The following CFAP77 variants were observed in gnomAD, a reference collection of about 807,000 sequenced individuals.
The protein encoded by CFAP77 is cilia and flagella associated protein 77.
Under a neutral mutation model 31.1 loss-of-function variants are expected in CFAP77, and 25 were observed. That is an observed-to-expected ratio of 0.80 (90% CI 0.59 to 1.12). CFAP77 has a LOEUF of 1.12. Ranked by LOEUF, CFAP77 falls within the 50% of genes most tolerant of loss-of-function variation. The probability of loss-of-function intolerance (pLI) is 0.00; values close to 1 mark genes in which losing one functional copy is unlikely to be tolerated. For missense variants in CFAP77, 377 were observed against 397.3 expected, an observed-to-expected ratio of 0.95 and a Z score of 0.44; for synonymous variants, 151 against 159.9, an observed-to-expected ratio of 0.94 and a Z score of 0.42.
At chr9:132,412,946 T>G (rs973389234) in intron 1 of CFAP77, among the ~76,000 whole-genome samples, 2 of 152,170 alleles carry the variant, frequency 1.3e-5, no homozygotes, top group Non-Finnish European at 2.9e-5. Flanking sequence ...GTGTGTGCCT[T>G]TCCGCTATGT....
At chr9:132,489,871 C>T (rs963684152) in intron 1 of CFAP77, among the ~76,000 whole-genome samples, 3 of 152,136 alleles carry the variant, frequency 2.0e-5, no homozygotes, top group African/African-American at 2.4e-5. Flanking sequence ...GACCGAGTCT[C>T]GTCAGTTTCA....
intron 3 of CFAP77, among the ~76,000 whole-genome samples, chr9:132,533,629 C>T (rs1157997178): frequency 6.6e-6 from 1 of 152,202 alleles, no homozygotes; most frequent in Non-Finnish European, 1.5e-5. Flanking sequence ...CGCTTGTAAT[C>T]CCAGCACTTT....
intron 1 of CFAP77, among the ~76,000 whole-genome samples, chr9:132,440,825 T>C (rs932823929): frequency 1.3e-5 from 2 of 152,168 alleles, no homozygotes; most frequent in African/African-American, 4.8e-5. Flanking sequence ...ACAATGGATC[T>C]GAACCTGGGT....
chr9:132,552,935 C>T lies in CFAP77; in HGVS notation c.732+9888C>T, dbSNP rs547743864. 1.3e-5 allele frequency among the ~76,000 whole-genome samples: 2 copies of T among 152,182 alleles called. No individual in the cohort carries two copies. Among genetic ancestry groups the T allele is most frequent in the Non-Finnish European group, 2.9e-5 (2 of 68,026 alleles). ...AAGGGAAATGTGCAGTTGGAGACCG[C>T]CTCTGTCTGTTAAACAGCCCTAAGG... On this transcript the variant is annotated intron_variant, in intron 5 of 5. Transcript: ENST00000393216. This position sits in a 1 kb window ranked among gnomAD's most constrained non-coding sequence, Gnocchi z 5.5.
In CFAP77 at chr9:132,530,807, G is replaced by A. The variant is rs543526004; in HGVS notation, c.525-6794G>A. Among the ~76,000 whole-genome samples the A allele has an allele frequency of 2.0e-5, 3 of 152,150 alleles. No homozygotes were observed. In the South Asian group the frequency reaches 6.2e-4, roughly 32 times the overall value. On this transcript the variant is annotated intron_variant, in intron 3 of 5. Coordinates refer to ENST00000393216, the MANE Select transcript of CFAP77 (RefSeq NM_001282957.2). ...ATTTATCAGTTTTTTTCTTTCATGGGTTATATTTTTGGTGTTGAGTCTAAG... is the reference window on the plus strand; with the variant it reads ...ATTTATCAGTTTTTTTCTTTCATGGATTATATTTTTGGTGTTGAGTCTAAG...
At position 132,501,978 on chromosome 9, in the gene CFAP77, A is replaced by G. The variant is rs920103272; in HGVS notation, c.524+2378A>G. Among the ~76,000 whole-genome samples the G allele has an allele frequency of 2.0e-5, 3 of 152,186 alleles. No individual in the cohort carries two copies. The highest frequency in any genetic ancestry group is 4.8e-5 in the African/African-American group (2 of 41,440). ...TTCCCAGCCCTTTCTACCTCACTAC[A>G]CAAGCTGGTCATTAGCACAAAAATG... is the stretch of plus-strand genomic sequence containing the variant. On this transcript the variant is annotated intron_variant, in intron 3 of 5. Transcript: ENST00000393216. The surrounding 1 kb of genome is among the most constrained non-coding windows in gnomAD (Gnocchi z 4.6).
At chr9:132,543,874 G>A (rs2119068531) in intron 5 of CFAP77, among the ~76,000 whole-genome samples, 1 of 152,298 alleles carries the variant, frequency 6.6e-6, no homozygotes, top group East Asian at 1.9e-4. Context: ...CAATGTAAGA[G>A]CCGGGGGCAC....
intron 1 of CFAP77, among the ~76,000 whole-genome samples, chr9:132,440,164 C>G (rs1205174550): frequency 2.6e-5 from 4 of 151,716 alleles, no homozygotes; most frequent in Non-Finnish European, 5.9e-5. Context: ...AGCCCCCTCT[C>G]TACAAAAAAT....
intron 5 of CFAP77, among the ~76,000 whole-genome samples, chr9:132,551,228 T>C (rs1240178073): frequency 1.3e-5 from 2 of 151,418 alleles, no homozygotes; most frequent in African/African-American, 2.4e-5. Flanking sequence ...GCAGCAATGA[T>C]AACATCAACA....
At chr9:132,526,898 G>A (rs1483549005) in intron 3 of CFAP77, among the ~76,000 whole-genome samples, 1 of 11,794 alleles carries the variant, frequency 8.5e-5, no homozygotes, top group African/African-American at 3.6e-4. Context: ...GGACCAGATG[G>A]ATTCACAGCC....
Position 132,498,723 on chromosome 9 carries a change from G to T in CFAP77, c.224G>T (p.Ser75Ile), listed in dbSNP as rs768433285. The T allele has an allele frequency of 1.2e-6, 2 of 1,612,526 alleles. No homozygotes were observed. The highest frequency in any genetic ancestry group is 2.7e-5 in the African/African-American group (2 of 75,062). ...GAACTCGGCAAGCCCCGGGAAAGAA[G>T]CTACAGTCTGCCCGGCATTAATTTT... ...KAELGKPRERSYSLPGINFNY... is the reference protein window; with the variant it reads ...KAELGKPRERIYSLPGINFNY... The change falls in exon 2 of 6, where the codon AGC becomes ATC. Residue 75 changes from serine (S) to isoleucine (I), a missense_variant. Transcript: ENST00000393216. This position sits in a 1 kb window ranked among gnomAD's most constrained non-coding sequence, Gnocchi z 4.2.
intron 3 of CFAP77, among the ~76,000 whole-genome samples, chr9:132,500,758 G>T (rs1230741131): frequency 1.3e-5 from 2 of 152,148 alleles, no homozygotes; most frequent in Non-Finnish European, 2.9e-5. Flanking sequence ...TGACTGGCAC[G>T]CATGTCCCAA....
rs577863768 is a variant in CFAP77 at position 132,489,257 on chromosome 9, G to A, written c.196-9438G>A. 4.6e-5 allele frequency among the ~76,000 whole-genome samples: 7 copies of A among 152,306 alleles called. No individual in the cohort carries two copies. In the South Asian group the frequency reaches 1.2e-3, roughly 27 times the overall value. ...AGACATAAGAAATGAGAAGCGCAAG[G>A]ATTTTGAGGGCTGAAAGGGGTCTCT... On this transcript the variant is annotated intron_variant, in intron 1 of 5. Coordinates refer to ENST00000393216, the MANE Select transcript of CFAP77 (RefSeq NM_001282957.2).
chr9:132,462,629 C>T (rs10217730), intron 1 of CFAP77, among the ~76,000 whole-genome samples: 1 of 152,100 alleles, frequency 6.6e-6, no homozygotes, highest in East Asian at 1.9e-4. Flanking sequence ...GCCTGGCTAA[C>T]GTGGTAAAAC....
At position 132,565,359 on chromosome 9, in the gene CFAP77, G is replaced by A. The variant is rs186299729; in HGVS notation, c.733-7029G>A. Among the ~76,000 whole-genome samples the A allele has an allele frequency of 6.2e-4, 95 of 152,186 alleles. No individual in the cohort carries two copies. Among genetic ancestry groups the A allele is most frequent in the African/African-American group, 2.0e-3 (82 of 41,518 alleles). On this transcript the variant is annotated intron_variant, in intron 5 of 5. Coordinates refer to ENST00000393216, the MANE Select transcript of CFAP77 (RefSeq NM_001282957.2). The surrounding 1 kb of genome is among the most constrained non-coding windows in gnomAD (Gnocchi z 4.1). ...AAATAGCTCTTGTCGGCCTGGTGCC[G>A]TGGCTCACGCCTGTAATCCCAGCAC... is the stretch of plus-strand genomic sequence containing the variant.
chr9:132,484,820 C>T (rs1042907027), intron 1 of CFAP77, among the ~76,000 whole-genome samples: 7 of 150,694 alleles, frequency 4.6e-5, no homozygotes, highest in Admixed American at 1.3e-4. Flanking sequence ...ATTGCTGGGT[C>T]ATATAGGGTA....
chr9:132,555,751 C>T (rs1010016653), intron 5 of CFAP77, among the ~76,000 whole-genome samples: 1 of 152,276 alleles, frequency 6.6e-6, no homozygotes, highest in East Asian at 1.9e-4. Context: ...CTAACACACC[C>T]CCCAGCCCTG....
chr9:132,487,985 T>C (rs1378821833), intron 1 of CFAP77, among the ~76,000 whole-genome samples: 1 of 152,222 alleles, frequency 6.6e-6, no homozygotes, highest in East Asian at 1.9e-4. Flanking sequence ...CAAAATGGTA[T>C]GTGTGTGCCT....
chr9:132,467,124 G>T (rs1050663736), intron 1 of CFAP77, among the ~76,000 whole-genome samples: 2 of 152,190 alleles, frequency 1.3e-5, no homozygotes, highest in Admixed American at 6.5e-5. Context: ...GTTGAAGTGA[G>T]CCGAGATCGC....
Sources: gnomAD v4.1 joint callset for allele counts (sites outside exome capture counted in the v4.1 genomes callset) on GRCh38, gnomAD v4.1.1 for gene constraint, Gnocchi (gnomAD v3.1) non-coding constraint, MANE v1.5 for transcripts, NCBI Gene and HGNC (gene_info 2026-07-23, HGNC 2026-07-21) for gene names.